MBD5: variants seen among roughly 807,000 people sequenced by gnomAD.
The protein encoded by MBD5 is methyl-CpG binding domain protein 5, also known as methyl-CpG-binding domain protein 5.
In MBD5, 13 loss-of-function variants were observed where a neutral mutation model predicts 117.3. That is an observed-to-expected ratio of 0.11 (90% CI 0.07 to 0.18). The LOEUF is 0.18. MBD5 is among the 10% of genes least tolerant of loss of function. The pLI, the probability that MBD5 is intolerant of heterozygous loss-of-function variation, is 1.00. For synonymous variants in MBD5, 727 were observed against 766.4 expected, an observed-to-expected ratio of 0.95 and a Z score of 0.85; for missense variants, 1,879 against 2,093.8, an observed-to-expected ratio of 0.90 and a Z score of 2.00.
chr2:148,229,967 C>T (rs564758511), intron 2 of MBD5, among the ~76,000 whole-genome samples: 1 of 152,300 alleles, frequency 6.6e-6, no homozygotes, highest in South Asian at 2.1e-4. Flanking sequence ...CCTCTGTGGC[C>T]GTCACCACTA....
chr2:148,134,012 TC>T (rs1697112917), intron 1 of MBD5, among the ~76,000 whole-genome samples: 1 of 152,152 alleles, frequency 6.6e-6, no homozygotes, highest in Non-Finnish European at 1.5e-5. Context: ...CAGATATTCA[TC>T]CAGCCAATTG....
At chr2:148,397,732 A>G (rs1704771545) in intron 4 of MBD5, among the ~76,000 whole-genome samples, 1 of 152,044 alleles carries the variant, frequency 6.6e-6, no homozygotes, top group Non-Finnish European at 1.5e-5. Context: ...TACATGTGCC[A>G]TGTTGGTGTG....
intron 1 of MBD5, among the ~76,000 whole-genome samples, chr2:148,147,313 G>A (rs2105596625): frequency 6.6e-6 from 1 of 151,810 alleles, no homozygotes; most frequent in East Asian, 1.9e-4. Context: ...GACGATCTTG[G>A]TTCACTGCAA....
chr2:148,177,304 C>A (rs1002973264), intron 1 of MBD5, among the ~76,000 whole-genome samples: 3 of 152,062 alleles, frequency 2.0e-5, no homozygotes, highest in African/African-American at 7.2e-5. Context: ...AATCAAGATG[C>A]CTGTAAAGAA....
At chr2:148,282,344 A>C (rs1701266846) in intron 3 of MBD5, among the ~76,000 whole-genome samples, 1 of 152,148 alleles carries the variant, frequency 6.6e-6, no homozygotes. Context: ...GAATAAGAAT[A>C]CCAATTCATG....
chr2:148,494,661 T>C lies in MBD5; in HGVS notation c.4962+4067T>C, dbSNP rs1222462601. Among the ~76,000 whole-genome samples the C allele has an allele frequency of 3.9e-5, 6 of 152,188 alleles. No homozygotes were observed. In the East Asian group the frequency reaches 7.7e-4, roughly 20 times the overall value. On this transcript the variant is annotated intron_variant, in intron 11 of 13. Coordinates refer to ENST00000642680, the MANE Select transcript of MBD5 (RefSeq NM_001378120.1). ...GTGTTTTTTCCCTTGGTTAACAATT[T>C]GTAATAAAGTACATTCTGGGCCGGG...
At chr2:148,417,994 C>T (rs1234198358) in intron 4 of MBD5, among the ~76,000 whole-genome samples, 3 of 152,088 alleles carry the variant, frequency 2.0e-5, no homozygotes, top group Non-Finnish European at 2.9e-5. Context: ...CACCCACCAC[C>T]ACGTGCAACT....
At chr2:148,471,598 AAG>A (rs1680799020) in intron 8 of MBD5, 4 of 152,080 alleles carry the variant, frequency 2.6e-5, no homozygotes, top group African/African-American at 9.7e-5. Flanking sequence ...CTGATAGTAA[AAG>A]CGTTTTCCTT....
At chr2:148,142,257 A>G (rs1049072330) in intron 1 of MBD5, among the ~76,000 whole-genome samples, 1 of 152,194 alleles carries the variant, frequency 6.6e-6, no homozygotes, top group African/African-American at 2.4e-5. Flanking sequence ...CCACTGAAAT[A>G]TCCAGCACGA....
intron 4 of MBD5, among the ~76,000 whole-genome samples, chr2:148,425,326 T>G (rs1301733396): frequency 6.6e-6 from 1 of 151,932 alleles, no homozygotes; most frequent in Non-Finnish European, 1.5e-5. Context: ...CTCTCCCAAG[T>G]CTAAACCAGG....
At chr2:148,063,494 G>A (rs1373731122) in intron 1 of MBD5, among the ~76,000 whole-genome samples, 1 of 151,994 alleles carries the variant, frequency 6.6e-6, no homozygotes, top group Non-Finnish European at 1.5e-5. Context: ...TGCTTTTTTA[G>A]TGCAAAAGCA....
At chr2:148,486,656 T>C (rs146267065) in intron 10 of MBD5, among the ~76,000 whole-genome samples, 2,054 of 151,844 alleles carry the variant, frequency 0.014, 49 homozygotes, top group African/African-American at 0.047. Context: ...AAAAGGACAA[T>C]TGATTAGAAA....
rs2105571649 is a variant in MBD5, at chr2:148,462,666, T to C, written c.198T>C (p.Cys66=). The change falls in exon 6 of 14, where the codon TGT becomes TGC. Residue 66 remains cysteine (C), a synonymous_variant. Transcript: ENST00000642680. The stretch of plus-strand genomic sequence containing the variant: ...GAACATGCAAGTGTGGCTTGGAATG[T>C]CCTCTTATTCTTCCCAAGGTAACCA... ...TDGTCKCGLE[C]PLILPKVFNF... 6.2e-7 allele frequency: 1 copy of C among 1,609,272 alleles called. No individual in the cohort carries two copies. The highest frequency in any genetic ancestry group is 8.5e-7 in the Non-Finnish European group (1 of 1,176,004).
Position 148,490,218 on chromosome 2 carries a change from G to A in MBD5, c.4586G>A (p.Arg1529Gln), listed in dbSNP as rs727504000. 6.2e-6 allele frequency: 10 copies of A among 1,614,040 alleles called. No homozygotes were observed. In the African/African-American group the frequency reaches 8.0e-5, roughly 13 times the overall value. The change falls in exon 11 of 14, where the codon CGA (arginine) becomes CAA (glutamine). Residue 1529 changes from arginine to glutamine, a missense_variant. Around this residue, in one of 4 missense-constraint regions of MBD5, gnomAD observed 1,666 missense variants for 1,792.2 expected, o/e 0.93. Coordinates refer to ENST00000642680, the MANE Select transcript of MBD5 (RefSeq NM_001378120.1). ...GCACACATAAATGGGAATAGACCTC[G>A]ACAGAGTCGGGGATTTGGAGAGCTG... is the stretch of plus-strand genomic sequence containing the variant. ...RCAHINGNRPRQSRGFGELLS... is the reference protein window; with the variant it reads ...RCAHINGNRPQQSRGFGELLS...
intron 2 of MBD5, among the ~76,000 whole-genome samples, chr2:148,224,961 T>A (rs1178104654): frequency 6.6e-6 from 1 of 152,134 alleles, no homozygotes; most frequent in Non-Finnish European, 1.5e-5. Context: ...TATTTATAGG[T>A]GAAGTGTATT....
At chr2:148,457,923 G>A (rs775095966) in intron 4 of MBD5, among the ~76,000 whole-genome samples, 5 of 152,078 alleles carry the variant, frequency 3.3e-5, no homozygotes, top group East Asian at 1.9e-4. Context: ...TTATGTGTAC[G>A]TTTGTATGTT....
chr2:148,362,271 T>G (rs1425416954), intron 4 of MBD5, among the ~76,000 whole-genome samples: 1 of 152,180 alleles, frequency 6.6e-6, no homozygotes, highest in Non-Finnish European at 1.5e-5. Context: ...CAGCCTGAAG[T>G]GAACCTGAGA....
chr2:148,383,334 G>A (rs1440309443), intron 4 of MBD5, among the ~76,000 whole-genome samples: 5 of 152,208 alleles, frequency 3.3e-5, no homozygotes, highest in East Asian at 1.9e-4. Flanking sequence ...ACACTTCTAC[G>A]CAAATAAACT....
intron 4 of MBD5, among the ~76,000 whole-genome samples, chr2:148,351,442 C>T (rs1324334206): frequency 3.3e-5 from 5 of 152,006 alleles, no homozygotes; most frequent in Non-Finnish European, 7.4e-5. Flanking sequence ...ATCAGTACAT[C>T]ATCTCTTTTT....
Sources: gnomAD v4.1 joint callset for allele counts (sites outside exome capture counted in the v4.1 genomes callset) on GRCh38, gnomAD v4.1.1 for gene constraint, gnomAD v4.1.1 regional missense constraint, MANE v1.5 for transcripts, NCBI Gene and HGNC (gene_info 2026-07-23, HGNC 2026-07-21) for gene names.